Variants in SCRIB observed in about 807,000 individuals in gnomAD.
The protein encoded by SCRIB is scribble planar cell polarity protein, also known as protein scribble homolog.
In SCRIB, 72 loss-of-function variants were observed where a neutral mutation model predicts 170.0. The observed-to-expected ratio is 0.42, with a 90% CI of 0.35 to 0.52. The LOEUF is 0.52. Among genes scored for constraint, SCRIB ranks in the 20% least tolerant of loss-of-function variants. The pLI is 0.02. For missense variants in SCRIB, 2,475 were observed against 2,338.5 expected (o/e 1.06, Z -1.20); for synonymous variants, 1,298 against 1,044.3 (o/e 1.24, Z -4.68).
At chr8:143,809,454 C>T in intron 14 of SCRIB, 97 bp downstream of exon 14, 3 of 1,374,102 alleles carry the variant, frequency 2.2e-6, no homozygotes, top group South Asian at 2.6e-5. Flanking sequence ...GGCCCAGGCA[C>T]TGCCTGCACC....
intron 14 of SCRIB, among the ~76,000 whole-genome samples, chr8:143,809,327 C>T (rs1204476626): frequency 4.6e-5 from 7 of 152,058 alleles, no homozygotes; most frequent in East Asian, 1.9e-4. Context: ...TGAGCCCAGC[C>T]GTCAGGGGAG....
At chr8:143,795,659 G>T in intron 24 of SCRIB, 129 bp from the exon 25 acceptor site, 2 of 801,384 alleles carry the variant, frequency 2.5e-6, no homozygotes, top group South Asian at 1.6e-5. Flanking sequence ...GGGCAGGGCT[G>T]ACCGCGTGGC....
Position 143,791,698 on chromosome 8 carries a change from G to C in SCRIB, c.4738C>G (p.Leu1580Val). 1 of 1,605,080 alleles carries C rather than the reference G, an allele frequency of 6.2e-7. No homozygotes were observed. The highest frequency in any genetic ancestry group is 8.5e-7 in the Non-Finnish European group (1 of 1,173,340). Residue 1580 changes from leucine to valine, a missense_variant, in exon 35 of 37, where the codon CTG (leucine) becomes GTG (valine). Leu to Val is a conservative substitution (Grantham distance 32, BLOSUM62 1). This residue lies in a region of SCRIB where 1,966 missense variants were observed against 1,742.9 expected (regional missense o/e 1.13). Coordinates refer to ENST00000356994, the MANE Select transcript of SCRIB (RefSeq NM_182706.5). ...TCATAGACAGGTCTGGAAGAAGGCA[G>C]GGCCGCAAAGGCCCTGTAGTCAAAC... is the stretch of plus-strand genomic sequence containing the variant. ...KKFDYRAFAA[L>V]PSSRPVYDIQ...
At position 143,795,478 on chromosome 8, in the gene SCRIB, T is replaced by C. The variant is rs1200606018; in HGVS notation, c.3656A>G (p.Asn1219Ser). The change falls in exon 25 of 37, where the codon AAC becomes AGC. Residue 1219 changes from asparagine (N) to serine (S), a missense_variant. Physicochemically the swap from Asn to Ser is conservative, Grantham distance 46. This residue lies in a region of SCRIB where 1,966 missense variants were observed against 1,742.9 expected (regional missense o/e 1.13). Transcript: ENST00000356994. ...GATGGAAGAGATGCTCTCCAGGCTG[T>C]TCCGGTGGCCGATGCCTGCCGCAAA... ...NPFAAGIGHR[N>S]SLESISSIDR... The C allele has an allele frequency of 6.2e-7, 1 of 1,613,118 alleles. No individual in the cohort carries two copies. The highest frequency in any genetic ancestry group is 8.5e-7 in the Non-Finnish European group (1 of 1,179,822).
chr8:143,803,340 C>A, intron 24 of SCRIB, 43 bp downstream of exon 24: 1 of 1,496,508 alleles, frequency 6.7e-7, no homozygotes, highest in Non-Finnish European at 8.9e-7. Flanking sequence ...ACACCTTGGG[C>A]TGGGCCAGAG....
chr8:143,803,679 C>T lies in SCRIB; in HGVS notation c.3382G>A (p.Asp1128Asn), dbSNP rs201727511. 2.0e-5 allele frequency: 32 copies of T among 1,574,068 alleles called. No individual in the cohort carries two copies. In the African/African-American group the frequency reaches 2.8e-4, roughly 14 times the overall value. ...GARGHAGNPR[D>N]PTDEGIFISK... Reference sequence around the variant, plus strand: ...ATGAAGATGCCCTCGTCTGTGGGGTCGCGGGGGTTGCCAGCGTGGCCCCTG... The same window carrying T: ...ATGAAGATGCCCTCGTCTGTGGGGTTGCGGGGGTTGCCAGCGTGGCCCCTG... The change falls in exon 23 of 37, where the codon GAC (aspartate) becomes AAC (asparagine). Residue 1128 changes from aspartate (D) to asparagine (N), a missense_variant. Physicochemically the swap from Asp to Asn is conservative, Grantham distance 23. Coordinates refer to ENST00000356994, the MANE Select transcript of SCRIB (RefSeq NM_182706.5).
chr8:143,801,362 T>C (rs1350567592), intron 24 of SCRIB, among the ~76,000 whole-genome samples: 1 of 152,086 alleles, frequency 6.6e-6, no homozygotes, highest in Non-Finnish European at 1.5e-5. Flanking sequence ...CAATTCCAGG[T>C]GGACCATGGA....
At position 143,805,484 on chromosome 8, in the gene SCRIB, A is replaced by C. The variant is rs192703556; in HGVS notation, c.2347-49T>G. On this transcript the variant is annotated intron_variant, in intron 18 of 36. Transcript: ENST00000356994. ...TATTCAGGACCCAGTGCCGCCACAG[A>C]CAGCCACGTGCTGGGGGCTCCACAC... is the stretch of plus-strand genomic sequence containing the variant. The C allele has an allele frequency of 4.1e-4, 584 of 1,425,956 alleles. 6 individuals carry two copies. The East Asian group carries it at 0.014, about 34-fold the overall frequency. 88.3% of individuals were successfully genotyped at this position (1,425,956 alleles called of 1,614,324 possible). A position where few individuals can be genotyped will look rare whatever the true frequency, so the allele number is the denominator to read the frequency against.
At chr8:143,793,862 C>A in intron 28 of SCRIB, 38 bp downstream of exon 28, 1 of 1,604,024 alleles carries the variant, frequency 6.2e-7, no homozygotes, top group South Asian at 1.1e-5. Context: ...CTGCCCTCCA[C>A]CCACCATGGG....
At chr8:143,814,422 G>A (rs1467339513) in intron 1 of SCRIB, among the ~76,000 whole-genome samples, 1 of 152,156 alleles carries the variant, frequency 6.6e-6, no homozygotes, top group Non-Finnish European at 1.5e-5. Flanking sequence ...GGCCCACCCA[G>A]CCCCTGAACC....
intron 28 of SCRIB, 149 bp from the exon 29 acceptor site, chr8:143,793,232 C>G: frequency 1.9e-6 from 1 of 531,280 alleles, no homozygotes; most frequent in Non-Finnish European, 3.3e-6. Flanking sequence ...CTCTGCCACC[C>G]CCACCCACGG....
chr8:143,811,773 T>A (rs1435143173), intron 9 of SCRIB, among the ~76,000 whole-genome samples: 2 of 151,764 alleles, frequency 1.3e-5, no homozygotes, highest in Non-Finnish European at 2.9e-5. Flanking sequence ...CCTTTCTCCA[T>A]CTCCCCAGTG....
In SCRIB at chr8:143,803,529, C is replaced by T; in HGVS notation, c.3457G>A (p.Val1153Met). ...TTCACCTCCAACAGCCGCAAACCCA[C>T]ACGCAGCCGACCGTCGCGCCCGGCT... is the stretch of plus-strand genomic sequence containing the variant. ...GAAGRDGRLR[V>M]GLRLLEVNQQ... Residue 1153 changes from valine (V) to methionine (M), a missense_variant, in exon 24 of 37, where the codon GTG becomes ATG. Transcript: ENST00000356994. 6.2e-7 allele frequency: 1 copy of T among 1,604,618 alleles called. No homozygotes were observed. Among genetic ancestry groups the T allele is most frequent in the Non-Finnish European group, 8.5e-7 (1 of 1,179,476 alleles).
rs1173972278 is a variant in SCRIB at position 143,803,640 on chromosome 8, G to A, written c.3414+7C>T. 3 of 1,531,098 alleles carry A rather than the reference G, an allele frequency of 2.0e-6. No individual in the cohort carries two copies. Among genetic ancestry groups the A allele is most frequent in the Non-Finnish European group, 1.8e-6 (2 of 1,137,376 alleles). The allele number at this position is 1,531,098 out of a possible 1,614,324, so 94.8% of individuals were successfully genotyped here. A position where few individuals can be genotyped will look rare whatever the true frequency, so the allele number is the denominator to read the frequency against. On this transcript the variant is annotated splice_region_variant and intron_variant, in intron 23 of 36. Coordinates refer to ENST00000356994, the MANE Select transcript of SCRIB (RefSeq NM_182706.5). ...GCCCAGGGCGGGCTGGGGTGGGGGG[G>A]GCTCACCTTGGAGATGAAGATGCCC...
intron 16 of SCRIB, 49 bp from the exon 17 acceptor site, chr8:143,807,062 C>G (rs116503777): frequency 1.5e-6 from 2 of 1,356,346 alleles, no homozygotes; most frequent in Admixed American, 3.7e-5. Flanking sequence ...GTGGGGCTGC[C>G]TGTGCTCTCT....
At chr8:143,806,850 C>A (rs1815447920) in intron 17 of SCRIB, 74 bp downstream of exon 17, 1 of 1,052,102 alleles carries the variant, frequency 9.5e-7, no homozygotes. Context: ...GGGCAAGGGG[C>A]CTGTGTGCCA....
chr8:143,810,452 G>T, intron 13 of SCRIB, 27 bp downstream of exon 13: 2 of 1,599,274 alleles, frequency 1.3e-6, no homozygotes, highest in Non-Finnish European at 1.7e-6. Flanking sequence ...TCAGCGGCCC[G>T]CCAGGTTGCC....
At chr8:143,794,062 C>A in intron 27 of SCRIB, 100 bp from the exon 28 acceptor site, 1 of 1,113,490 alleles carries the variant, frequency 9.0e-7, no homozygotes. Flanking sequence ...GCCACAGCAG[C>A]TCTTCAGTTC....
Position 143,793,907 on chromosome 8 carries a change from C to G in SCRIB, c.3902G>C (p.Gly1301Ala), listed in dbSNP as rs782806131. The G allele has an allele frequency of 3.7e-6, 6 of 1,613,444 alleles. No homozygotes were observed. In the East Asian group the frequency reaches 1.3e-4, roughly 36 times the overall value. Reference protein sequence around the residue: ...KMAESPCSPSGQQPPSPPSPD... With the variant: ...KMAESPCSPSAQQPPSPPSPD... ...TTAACTTGGGACACTCACCTGCTGG[C>G]CACTAGGGGAGCAGGGAGATTCAGC... is the stretch of plus-strand genomic sequence containing the variant. Residue 1301 changes from glycine to alanine, a missense_variant, in exon 28 of 37, where the codon GGC (glycine) becomes GCC (alanine). This residue lies in a region of SCRIB where 1,966 missense variants were observed against 1,742.9 expected (regional missense o/e 1.13). Coordinates refer to ENST00000356994, the MANE Select transcript of SCRIB (RefSeq NM_182706.5).
Sources: gnomAD v4.1 joint callset for allele counts (sites outside exome capture counted in the v4.1 genomes callset) on GRCh38, gnomAD v4.1.1 for gene constraint, gnomAD v4.1.1 regional missense constraint, MANE v1.5 for transcripts, NCBI Gene and HGNC (gene_info 2026-07-23, HGNC 2026-07-21) for gene names.